STK32B: variants seen among roughly 807,000 people sequenced by gnomAD.
STK32B encodes the protein serine/threonine kinase 32B, also known as serine/threonine-protein kinase 32B.
In STK32B, 43 loss-of-function variants were observed where a neutral mutation model predicts 52.6. The ratio of observed to expected loss-of-function variants is 0.82; its 90% CI spans 0.64 to 1.05. The LOEUF (loss-of-function observed/expected upper bound fraction) is 1.05, where lower values mean the gene tolerates loss of function less well. Among genes scored for constraint, STK32B ranks in the 50% least tolerant of loss-of-function variants. The pLI is 0.00. For synonymous variants in STK32B, 238 were observed against 204.3 expected (o/e 1.17, Z -1.41); for missense variants, 621 against 534.6 (o/e 1.16, Z -1.59).
At position 5,456,818 on chromosome 4, in the gene STK32B, A is replaced by T; in HGVS notation, c.678A>T (p.Glu226Asp). Reference sequence around the variant, plus strand: ...TTCTTTGATTGCAGAGGCCGTACGAAATCCACTCGGTCACGCCCATCGATG... The same window carrying T: ...TTCTTTGATTGCAGAGGCCGTACGATATCCACTCGGTCACGCCCATCGATG... ...YELLRGWRPY[E>D]IHSVTPIDEI... The change falls in exon 8 of 12, where the codon GAA (glutamate) becomes GAT (aspartate). Residue 226 changes from glutamate (E) to aspartate (D), a missense_variant. Physicochemically the swap from Glu to Asp is conservative, Grantham distance 45. Coordinates refer to ENST00000282908, the MANE Select transcript of STK32B (RefSeq NM_018401.3). 6.3e-7 allele frequency: 1 copy of T among 1,583,482 alleles called. No individual in the cohort carries two copies. Among genetic ancestry groups the T allele is most frequent in the Non-Finnish European group, 8.6e-7 (1 of 1,161,238 alleles).
chr4:5,225,263 A>G (rs913400983), intron 3 of STK32B, among the ~76,000 whole-genome samples: 1 of 152,000 alleles, frequency 6.6e-6, no homozygotes, highest in Non-Finnish European at 1.5e-5. Context: ...TACTAAAATT[A>G]AAAAAATTAG....
intron 11 of STK32B, among the ~76,000 whole-genome samples, chr4:5,494,831 T>A (rs1386545619): frequency 2.6e-5 from 4 of 152,178 alleles, no homozygotes; most frequent in Admixed American, 6.6e-5. Context: ...TCCTTCACTT[T>A]TGAAGCTTAG....
At chr4:5,391,410 G>C (rs1476925841) in intron 4 of STK32B, among the ~76,000 whole-genome samples, 1 of 152,152 alleles carries the variant, frequency 6.6e-6, no homozygotes, top group Admixed American at 6.5e-5. Context: ...GGCACATATA[G>C]ACACACACTT....
chr4:5,352,596 C>T (rs1446357981), intron 4 of STK32B, among the ~76,000 whole-genome samples: 2 of 142,516 alleles, frequency 1.4e-5, no homozygotes, highest in African/African-American at 5.3e-5. Flanking sequence ...ATGACCAAAG[C>T]AATCAGAAAA....
chr4:5,022,056 A>C, the STK32B span, among the ~76,000 whole-genome samples: 1 of 152,030 alleles, frequency 6.6e-6, no homozygotes, highest in Non-Finnish European at 1.5e-5. Flanking sequence ...TGCCGAGCCC[A>C]ACACACACAA....
At chr4:5,289,233 A>G (rs1296306453) in intron 3 of STK32B, among the ~76,000 whole-genome samples, 1 of 152,212 alleles carries the variant, frequency 6.6e-6, no homozygotes, top group Non-Finnish European at 1.5e-5. Flanking sequence ...ATGTATCTAA[A>G]CATAGAAAAA....
chr4:5,357,570 A>C (rs964356353), intron 4 of STK32B, among the ~76,000 whole-genome samples: 8 of 152,094 alleles, frequency 5.3e-5, no homozygotes, highest in Non-Finnish European at 1.0e-4. Flanking sequence ...CATTCTAAAA[A>C]AAAAAATGTT....
intron 11 of STK32B, among the ~76,000 whole-genome samples, chr4:5,475,671 C>A (rs1162893603): frequency 6.6e-6 from 1 of 150,496 alleles, no homozygotes; most frequent in Non-Finnish European, 1.5e-5. Flanking sequence ...GCACTCCAGC[C>A]TGGGCAACAG....
rs1363150636 is a variant in STK32B at position 5,441,705 on chromosome 4, A to G, written c.563-4968A>G. On this transcript the variant is annotated intron_variant, in intron 6 of 11. Coordinates refer to ENST00000282908, the MANE Select transcript of STK32B (RefSeq NM_018401.3). ...TTTTAATTGTGATGTTAGGGTGTCAATTTTGGATCTTTCCTGCTTTCTCTT... is the reference window on the plus strand; with the variant it reads ...TTTTAATTGTGATGTTAGGGTGTCAGTTTTGGATCTTTCCTGCTTTCTCTT... Among the ~76,000 whole-genome samples, 116 of 149,354 alleles carry G rather than the reference A, an allele frequency of 7.8e-4. 1 individual carries two copies. In the South Asian group the frequency reaches 9.0e-3, roughly 12 times the overall value.
intron 2 of STK32B, chr4:5,140,367 A>T: frequency 8.9e-7 from 1 of 1,125,208 alleles, no homozygotes; most frequent in Non-Finnish European, 1.1e-6. Context: ...GGCTAGGAGA[A>T]GATGGCAGGA....
Position 5,398,515 on chromosome 4 carries a change from A to T in STK32B, c.472+271A>T, listed in dbSNP as rs1387905017. Reference sequence around the variant, plus strand: ...TGAGGAGGACAGGGCCGCCGTGAGGATGAGCCCGGGGTTCCAACCCCAACT... The same window carrying T: ...TGAGGAGGACAGGGCCGCCGTGAGGTTGAGCCCGGGGTTCCAACCCCAACT... On this transcript the variant is annotated intron_variant, in intron 5 of 11. Transcript: ENST00000282908. The surrounding 1 kb of genome is among the most constrained non-coding windows in gnomAD (Gnocchi z 4.9). Among the ~76,000 whole-genome samples the T allele has an allele frequency of 6.6e-6, 1 of 152,146 alleles. No homozygotes were observed. The highest frequency in any genetic ancestry group is 1.5e-5 in the Non-Finnish European group (1 of 68,036).
At chr4:5,188,439 C>T (rs1343652994) in intron 3 of STK32B, among the ~76,000 whole-genome samples, 2 of 152,164 alleles carry the variant, frequency 1.3e-5, no homozygotes, top group Non-Finnish European at 2.9e-5. Flanking sequence ...GTCAGGCGCA[C>T]ATGCCCCTTC....
chr4:5,239,521 C>T (rs1456614533), intron 3 of STK32B, among the ~76,000 whole-genome samples: 1 of 151,984 alleles, frequency 6.6e-6, no homozygotes, highest in Non-Finnish European at 1.5e-5. Context: ...TCTGGCTCTC[C>T]CTAAGCATGC....
At chr4:5,241,470 T>C (rs532303641) in intron 3 of STK32B, among the ~76,000 whole-genome samples, 2 of 152,294 alleles carry the variant, frequency 1.3e-5, no homozygotes, top group African/African-American at 4.8e-5. Flanking sequence ...TTACATAAAT[T>C]GTTGAGCCAA....
At chr4:5,035,627 G>T in the STK32B span, among the ~76,000 whole-genome samples, 6 of 152,152 alleles carry the variant, frequency 3.9e-5, no homozygotes, top group South Asian at 1.2e-3. Context: ...ATGAGGAGAC[G>T]GTGGAGACTG....
chr4:5,261,233 A>G (rs1426682197), intron 3 of STK32B, among the ~76,000 whole-genome samples: 1 of 152,130 alleles, frequency 6.6e-6, no homozygotes, highest in East Asian at 1.9e-4. Flanking sequence ...TGCACCAATT[A>G]TGAGGCTTGC....
intron 3 of STK32B, among the ~76,000 whole-genome samples, chr4:5,243,408 C>T (rs547580019): frequency 1.1e-4 from 16 of 152,180 alleles, no homozygotes; most frequent in South Asian, 4.1e-4. Flanking sequence ...AGAATGCTTG[C>T]GATTTTTGCA....
At chr4:5,486,058 T>C (rs1300085325) in intron 11 of STK32B, among the ~76,000 whole-genome samples, 1 of 152,134 alleles carries the variant, frequency 6.6e-6, no homozygotes, top group Non-Finnish European at 1.5e-5. Context: ...GGAGGCAGTC[T>C]GTCCGTTCTC....
At chr4:5,455,144 G>T in intron 7 of STK32B, among the ~76,000 whole-genome samples, 1 of 150,970 alleles carries the variant, frequency 6.6e-6, no homozygotes, top group Non-Finnish European at 1.5e-5. Flanking sequence ...TCTTCTCCAG[G>T]GCCTCCTGTT....
Sources: allele counts gnomAD v4.1 joint callset (sites outside exome capture counted in the v4.1 genomes callset), GRCh38; gene constraint gnomAD v4.1.1; non-coding constraint Gnocchi (gnomAD v3.1); transcripts MANE v1.5; gene names NCBI Gene and HGNC (gene_info 2026-07-23, HGNC 2026-07-21).